MCF2: variants seen among roughly 807,000 people sequenced by gnomAD.
MCF2 encodes the protein MCF.2 cell line derived transforming sequence, also known as proto-oncogene DBL.
A neutral mutation model predicts 82.5 loss-of-function variants in MCF2; 44 were observed. That is an observed-to-expected ratio of 0.53 (90% confidence interval 0.42 to 0.69). MCF2 has a LOEUF of 0.69. Ranked by LOEUF, MCF2 falls within the 30% of genes least tolerant of loss-of-function variation. The pLI is 0.00. For missense variants in MCF2, 623 were observed against 663.1 expected (o/e 0.94, Z 0.66); for synonymous variants, 217 against 224.9 (o/e 0.96, Z 0.32).
chrX:139,692,040 G>A (rs919602992), intron 1 of MCF2: 1 of 1,164,418 alleles, frequency 8.6e-7, no homozygotes, highest in African/African-American at 1.8e-5. Flanking sequence ...CGGCATGAAA[G>A]TGCAGCCATC....
rs758421078 is a variant in MCF2, at chrX:139,616,313, T to G, written c.1160A>C (p.Glu387Ala). ...CTCAGGAGATAATATTACATCAAAT[T>G]CATACTGCAGTGTTTCAGGTTCATA... Residue 387 changes from glutamate (E) to alanine (A), a missense_variant, in exon 9 of 25, where the codon GAA becomes GCA. Physicochemically the swap from Glu to Ala is moderately radical, Grantham distance 107. Coordinates refer to ENST00000370576, the Ensembl canonical transcript of MCF2. 39 of 1,136,430 alleles carry G rather than the reference T, an allele frequency of 3.4e-5. No individual in the cohort carries two copies. Among genetic ancestry groups the G allele is most frequent in the Non-Finnish European group, 3.8e-5 (32 of 852,184 alleles). The allele number at this position is 1,136,430 out of a possible 1,213,427, so 93.7% of individuals were successfully genotyped here.
chrX:139,688,945 C>T (rs977041408), intron 1 of MCF2, among the ~76,000 whole-genome samples: 2 of 111,813 alleles, frequency 1.8e-5, no homozygotes, highest in East Asian at 2.8e-4. Context: ...AAACCACATA[C>T]CCAGAATTGA....
chrX:139,643,140 G>A (rs574637297), upstream of MCF2, among the ~76,000 whole-genome samples: 19 of 111,329 alleles, frequency 1.7e-4, no homozygotes, highest in Middle Eastern at 4.7e-3. Context: ...TTTCTAAGAC[G>A]GATACAATTC....
At chrX:139,630,434 CT>C (rs1486629902) in intron 3 of MCF2, among the ~76,000 whole-genome samples, 2 of 111,488 alleles carry the variant, frequency 1.8e-5, no homozygotes, top group African/African-American at 6.5e-5. Flanking sequence ...TTTGTTGTTT[CT>C]TTTGTTTCTA....
chrX:139,701,265 C>T (rs1043121629), intron 1 of MCF2, among the ~76,000 whole-genome samples: 11 of 111,953 alleles, frequency 9.8e-5, no homozygotes, highest in African/African-American at 3.6e-4. Context: ...AACAGGCAGG[C>T]TAAGATCACC....
chrX:139,604,967 C>T (rs768337505), exon 14 of MCF2: 2 of 1,152,209 alleles, frequency 1.7e-6, no homozygotes, highest in Non-Finnish European at 2.3e-6. Flanking sequence ...CTGGATTATC[C>T]ATCTCCGCTC....
intron 1 of MCF2, among the ~76,000 whole-genome samples, chrX:139,676,779 A>G (rs1934875929): frequency 8.9e-6 from 1 of 112,347 alleles, no homozygotes; most frequent in Non-Finnish European, 1.9e-5. Flanking sequence ...TGACATTACA[A>G]TTTCAAAGGT....
intron 10 of MCF2, 99 bp downstream of exon 13, chrX:139,614,782 C>T: frequency 1.2e-6 from 1 of 808,464 alleles, no homozygotes; most frequent in Non-Finnish European, 1.8e-6. Context: ...GTGAAATTTT[C>T]ATCTATCCGC....
chrX:139,651,873 CTA>C, intron 1 of MCF2, 85 bp from the exon 2 acceptor site: 1 of 566,898 alleles, frequency 1.8e-6, no homozygotes, highest in Non-Finnish European at 2.8e-6. Context: ...CTCACTGTGT[CTA>C]AAATTATTCT....
intron 10 of MCF2, 68 bp downstream of exon 14, chrX:139,613,148 C>A (rs1931624802): frequency 1.3e-6 from 1 of 795,775 alleles, no homozygotes; most frequent in South Asian, 2.7e-5. Context: ...AGATGCCAAA[C>A]TGGTTTTTCA....
At chrX:139,628,895 T>C (rs1932832104) in intron 4 of MCF2, among the ~76,000 whole-genome samples, 1 of 111,490 alleles carries the variant, frequency 9.0e-6, no homozygotes, top group Non-Finnish European at 1.9e-5. Flanking sequence ...TTGCAACCCC[T>C]GGTCTACTGT....
rs761868346 is a variant in MCF2 at position 139,621,685 on chromosome X, G to A, written c.688-1979C>T. Reference sequence around the variant, plus strand: ...AAAACTGGCTAGCCATATGTAGAAAGCTGAAACTGGATCCCTTCCTTACAT... The same window carrying A: ...AAAACTGGCTAGCCATATGTAGAAAACTGAAACTGGATCCCTTCCTTACAT... On this transcript the variant is annotated intron_variant, in intron 6 of 24. Coordinates refer to ENST00000370576, the Ensembl canonical transcript of MCF2. Among the ~76,000 whole-genome samples the A allele has an allele frequency of 7.2e-5, 8 of 111,326 alleles. No homozygotes were observed. In the East Asian group the frequency reaches 2.3e-3, roughly 32 times the overall value.
At chrX:139,704,129 C>T (rs1386787198) in intron 1 of MCF2, among the ~76,000 whole-genome samples, 4 of 111,309 alleles carry the variant, frequency 3.6e-5, no homozygotes, top group Non-Finnish European at 7.5e-5. Flanking sequence ...ATGACAAACC[C>T]ACAGTAAACA....
chrX:139,683,923 T>C (rs1330880050), intron 1 of MCF2, among the ~76,000 whole-genome samples: 1 of 112,434 alleles, frequency 8.9e-6, no homozygotes, highest in Admixed American at 9.4e-5. Flanking sequence ...GATTAGGCAA[T>C]GTTTTCTTAT....
At chrX:139,606,606 G>A (rs143538103) in intron 12 of MCF2, among the ~76,000 whole-genome samples, 1,300 of 111,498 alleles carry the variant, frequency 0.012, 20 homozygotes, top group African/African-American at 0.04. Flanking sequence ...TGATCCGCCC[G>A]CCTGGGCCTC....
Position 139,619,750 on chromosome X carries a change from C to T in MCF2, c.688-44G>A, listed in dbSNP as rs746942338. The T allele has an allele frequency of 7.9e-6, 8 of 1,006,766 alleles. No homozygotes were observed. In the East Asian group the frequency reaches 2.6e-4, roughly 33 times the overall value. The allele number at this position is 1,006,766 out of a possible 1,213,427, so 83.0% of individuals were successfully genotyped here. A position where few individuals can be genotyped will look rare whatever the true frequency, so the allele number is the denominator to read the frequency against. On this transcript the variant is annotated intron_variant, in intron 6 of 24. Transcript: ENST00000370576. ...GAGGTTTTAAAAACATAAAATTTAT[C>T]CCCTTATGATCAAGTTTTATACAAA...
At chrX:139,585,286 G>T (rs1278800513) in intron 23 of MCF2, 108 bp from the exon 28 acceptor site, 3 of 493,900 alleles carry the variant, frequency 6.1e-6, no homozygotes, top group Non-Finnish European at 1.0e-5. Flanking sequence ...TAAAAAAATG[G>T]ATTAACCAAT....
intron 4 of MCF2, among the ~76,000 whole-genome samples, chrX:139,627,497 C>G (rs1932789317): frequency 9.0e-6 from 1 of 111,514 alleles, no homozygotes; most frequent in Non-Finnish European, 1.9e-5. Flanking sequence ...ACAATATAGA[C>G]CTTTCTCAGA....
At chrX:139,614,841 T>C (rs956895482) in intron 10 of MCF2, 40 bp downstream of exon 13, 3 of 1,122,218 alleles carry the variant, frequency 2.7e-6, no homozygotes, top group South Asian at 2.0e-5. Context: ...ATATAAACAA[T>C]AGCAAGAAAA....
Sources: gnomAD v4.1 joint callset for allele counts (sites outside exome capture counted in the v4.1 genomes callset) on GRCh38, gnomAD v4.1.1 for gene constraint, MANE v1.5 for transcripts, NCBI Gene and HGNC (gene_info 2026-07-23, HGNC 2026-07-21) for gene names.